SLC14A2: variants seen among roughly 807,000 people sequenced by gnomAD.
SLC14A2 encodes urea transporter 2.
SLC14A2 carries 91 observed loss-of-function variants against 104.6 expected under a neutral mutation model. That is an observed-to-expected ratio of 0.87 (90% CI 0.73 to 1.04). The LOEUF (loss-of-function observed/expected upper bound fraction) is 1.04. Among genes scored for constraint, SLC14A2 ranks in the 50% least tolerant of loss-of-function variants. SLC14A2 has a pLI of 0.00. For synonymous variants in SLC14A2, 476 were observed against 466.4 expected (o/e 1.02, Z -0.27); for missense variants, 1,189 against 1,156.0 (o/e 1.03, Z -0.41).
chr18:45,241,510 G>A lies in SLC14A2; in HGVS notation c.-125+28319G>A, dbSNP rs115440460. Among the ~76,000 whole-genome samples the A allele has an allele frequency of 3.5e-3, 532 of 152,310 alleles. 2 individuals are homozygous for A. Among genetic ancestry groups the A allele is most frequent in the African/African-American group, 0.012 (484 of 41,564 alleles). On this transcript the variant is annotated intron_variant, in intron 1 of 20. Coordinates refer to the SLC14A2 transcript ENST00000586448. ...TTGGCCACTGGGTCCCTGGTAGGAA[G>A]TGAATGGTGAAGACAGAGGTGCAGC...
intron 1 of SLC14A2, among the ~76,000 whole-genome samples, chr18:45,619,572 AAGG>A (rs1392007979): frequency 1.2e-4 from 19 of 152,264 alleles, no homozygotes; most frequent in African/African-American, 3.8e-4. Context: ...CATATTTCTG[AAGG>A]AGAAGAGGAG....
At chr18:45,469,559 G>C (rs1380522958) in intron 1 of SLC14A2, among the ~76,000 whole-genome samples, 1 of 152,180 alleles carries the variant, frequency 6.6e-6, no homozygotes, top group East Asian at 1.9e-4. Context: ...GTGGAGCAAA[G>C]GTATCTCTCT....
chr18:45,200,795 A>C, the SLC14A2 span, among the ~76,000 whole-genome samples: 1 of 152,272 alleles, frequency 6.6e-6, no homozygotes, highest in South Asian at 2.1e-4. Flanking sequence ...TACTTATAGA[A>C]ATATTGCAAA....
At chr18:45,504,123 C>G (rs576664794) in intron 2 of SLC14A2, among the ~76,000 whole-genome samples, 7 of 152,280 alleles carry the variant, frequency 4.6e-5, no homozygotes, top group African/African-American at 1.7e-4. Flanking sequence ...TCCAATAGTT[C>G]CAGCTGTGGC....
intron 1 of SLC14A2, among the ~76,000 whole-genome samples, chr18:45,411,992 T>C (rs1168055996): frequency 2.0e-5 from 3 of 152,168 alleles, no homozygotes; most frequent in African/African-American, 7.2e-5. Context: ...TCTGAATCCG[T>C]CCATAGGATT....
intron 1 of SLC14A2, among the ~76,000 whole-genome samples, chr18:45,337,928 A>G (rs2085352099): frequency 6.6e-6 from 1 of 152,172 alleles, no homozygotes; most frequent in African/African-American, 2.4e-5. Flanking sequence ...AGAGATTAAG[A>G]ATATGACACC....
chr18:45,190,446 G>A, the SLC14A2 span, among the ~76,000 whole-genome samples: 30 of 152,152 alleles, frequency 2.0e-4, no homozygotes, highest in African/African-American at 7.0e-4. Flanking sequence ...ATCCTAGGCT[G>A]AATGAAATAG....
At chr18:45,330,389 G>C (rs1159235637) in intron 1 of SLC14A2, among the ~76,000 whole-genome samples, 1 of 152,176 alleles carries the variant, frequency 6.6e-6, no homozygotes, top group Non-Finnish European at 1.5e-5. Flanking sequence ...TTTATCATTA[G>C]GCTTGAGGTT....
At chr18:45,209,534 C>G (rs1568102196), upstream of SLC14A2, among the ~76,000 whole-genome samples, 1 of 146,508 alleles carries the variant, frequency 6.8e-6, no homozygotes, top group African/African-American at 2.6e-5. Flanking sequence ...TAACTAGAAT[C>G]ACCCCTTCCT....
intron 2 of SLC14A2, among the ~76,000 whole-genome samples, chr18:45,485,806 T>C (rs2852291): frequency 3.3e-5 from 5 of 152,182 alleles, no homozygotes; most frequent in Non-Finnish European, 5.9e-5. Flanking sequence ...GTAAAGTCTT[T>C]GGAGACTGTG....
intron 2 of SLC14A2, among the ~76,000 whole-genome samples, chr18:45,556,871 A>C (rs1281592616): frequency 6.6e-6 from 1 of 152,162 alleles, no homozygotes; most frequent in Admixed American, 6.5e-5. Flanking sequence ...GAGACACACC[A>C]CTCTTACACT....
At chr18:45,185,358 C>G in the SLC14A2 span, among the ~76,000 whole-genome samples, 1 of 152,124 alleles carries the variant, frequency 6.6e-6, no homozygotes, top group South Asian at 2.1e-4. Context: ...AGGCAAAAGG[C>G]ATGCAGTGTG....
rs528056938 is a variant in SLC14A2, at chr18:45,322,142, G to A, written c.-125+108951G>A. Among the ~76,000 whole-genome samples, 3 of 152,270 alleles carry A rather than the reference G, an allele frequency of 2.0e-5. No individual in the cohort carries two copies. In the South Asian group the frequency reaches 6.2e-4, roughly 32 times the overall value. On this transcript the variant is annotated intron_variant, in intron 1 of 20. Coordinates refer to the SLC14A2 transcript ENST00000586448. ...CTTAATCTGGAGCAGCCCAAAGCAG[G>A]AATAAATGGCAAATACTTTCATCTT...
chr18:45,237,004 T>C (rs1307907038), intron 1 of SLC14A2, among the ~76,000 whole-genome samples: 1 of 152,114 alleles, frequency 6.6e-6, no homozygotes, highest in Non-Finnish European at 1.5e-5. Flanking sequence ...GGCATATGAG[T>C]GTAACCACTG....
chr18:45,463,340 T>C (rs1364406856), intron 1 of SLC14A2, among the ~76,000 whole-genome samples: 1 of 152,206 alleles, frequency 6.6e-6, no homozygotes, highest in African/African-American at 2.4e-5. Flanking sequence ...TGTGTGACGT[T>C]GGTCTCCCAA....
At chr18:45,195,123 C>T in the SLC14A2 span, among the ~76,000 whole-genome samples, 1 of 152,118 alleles carries the variant, frequency 6.6e-6, no homozygotes, top group African/African-American at 2.4e-5. Flanking sequence ...CTATTTAGAT[C>T]TGGAGAAAGA....
At chr18:45,538,850 C>CTTTTTTTTTTTTTTTTT (rs61475766) in intron 2 of SLC14A2, among the ~76,000 whole-genome samples, 1 of 105,268 alleles carries the variant, frequency 9.5e-6, no homozygotes, top group African/African-American at 3.8e-5. Flanking sequence ...TCCCCCTTCC[C>CTTTTTTTTTTTTTTTTT]TTTTTTTTTT....
At chr18:45,487,483 G>A (rs2144717145) in intron 2 of SLC14A2, among the ~76,000 whole-genome samples, 1 of 152,324 alleles carries the variant, frequency 6.6e-6, no homozygotes, top group East Asian at 1.9e-4. Context: ...TTTGAGTAGA[G>A]ATGGGCATTA....
intron 2 of SLC14A2, among the ~76,000 whole-genome samples, chr18:45,564,009 G>A (rs770602981): frequency 9.9e-5 from 15 of 152,114 alleles, no homozygotes; most frequent in Admixed American, 7.2e-4. Context: ...GATTGTCATC[G>A]ATGCCCTCAT....
Sources: allele counts gnomAD v4.1 joint callset (sites outside exome capture counted in the v4.1 genomes callset), GRCh38; gene constraint gnomAD v4.1.1; transcripts MANE v1.5; gene names NCBI Gene and HGNC (gene_info 2026-07-23, HGNC 2026-07-21).